SNX13: variants seen among roughly 807,000 people sequenced by gnomAD.
SNX13 encodes sorting nexin-13.
In SNX13, 45 loss-of-function variants were observed where a neutral mutation model predicts 133.6. The ratio of observed to expected loss-of-function variants is 0.34; its 90% confidence interval spans 0.27 to 0.43. SNX13 has a LOEUF of 0.43. Ranked by LOEUF, SNX13 falls within the 20% of genes least tolerant of loss-of-function variation. SNX13 has a pLI of 1.00. For missense variants in SNX13, 1,032 were observed against 1,145.1 expected (o/e 0.90, Z 1.43); for synonymous variants, 414 against 373.9 (o/e 1.11, Z -1.24).
At chr7:17,908,083 A>G (rs984271096) in intron 1 of SNX13, among the ~76,000 whole-genome samples, 1 of 152,156 alleles carries the variant, frequency 6.6e-6, no homozygotes, top group Non-Finnish European at 1.5e-5. Context: ...CAAGATCCCA[A>G]ATGTTTCCTA....
intron 18 of SNX13, among the ~76,000 whole-genome samples, chr7:17,817,378 C>T (rs747704722): frequency 3.3e-5 from 5 of 152,142 alleles, no homozygotes; most frequent in Non-Finnish European, 5.9e-5. Context: ...GATACATATC[C>T]TAAAGCGAAA....
intron 1 of SNX13, among the ~76,000 whole-genome samples, chr7:17,940,029 G>A (rs1345994735): frequency 1.3e-5 from 2 of 152,220 alleles, no homozygotes; most frequent in African/African-American, 2.4e-5. Flanking sequence ...ACAGCAGGAG[G>A]GAGACCAGTG....
intron 8 of SNX13, among the ~76,000 whole-genome samples, chr7:17,868,865 A>G (rs1793716141): frequency 6.6e-6 from 1 of 152,044 alleles, no homozygotes; most frequent in Non-Finnish European, 1.5e-5. Context: ...AAGGATACAA[A>G]CTGATTTTAG....
intron 9 of SNX13, among the ~76,000 whole-genome samples, chr7:17,858,554 C>T (rs911137786): frequency 6.6e-6 from 1 of 151,956 alleles, no homozygotes; most frequent in African/African-American, 2.4e-5. Context: ...TTAAACTATC[C>T]ATTCTTCCTA....
intron 5 of SNX13, 116 bp from the exon 6 acceptor site, chr7:17,875,906 G>A: frequency 1.2e-6 from 1 of 864,132 alleles, no homozygotes; most frequent in Non-Finnish European, 1.7e-6. Flanking sequence ...AATTTAAATT[G>A]AGATTTTCAT....
chr7:17,882,925 T>C (rs770652213), intron 5 of SNX13: 1 of 904,696 alleles, frequency 1.1e-6, no homozygotes, highest in South Asian at 1.5e-5. Flanking sequence ...TACTCCAGCC[T>C]GGGCGACAGG....
intron 5 of SNX13, chr7:17,879,973 G>A (rs1351681536): frequency 6.6e-6 from 1 of 152,184 alleles, no homozygotes; most frequent in South Asian, 2.1e-4. Context: ...GGGATGGAGT[G>A]TATAAAAAAC....
chr7:17,823,666 A>C (rs1270994149), intron 17 of SNX13, among the ~76,000 whole-genome samples: 2 of 152,148 alleles, frequency 1.3e-5, no homozygotes, highest in Non-Finnish European at 2.9e-5. Context: ...TTCACTGTTC[A>C]CCTTGTCCAG....
At chr7:17,823,134 T>C (rs556861462) in intron 17 of SNX13, among the ~76,000 whole-genome samples, 11 of 152,338 alleles carry the variant, frequency 7.2e-5, no homozygotes, top group East Asian at 1.9e-4. Flanking sequence ...ATCCAGTCTT[T>C]ATGCTACTAT....
chr7:17,898,053 C>T (rs546264944), intron 1 of SNX13, among the ~76,000 whole-genome samples: 3 of 151,468 alleles, frequency 2.0e-5, no homozygotes, highest in African/African-American at 7.3e-5. Context: ...CTCAACAAAA[C>T]ATCACCAAAA....
intron 9 of SNX13, among the ~76,000 whole-genome samples, chr7:17,864,403 T>G (rs1190023990): frequency 1.3e-5 from 2 of 152,154 alleles, no homozygotes; most frequent in Non-Finnish European, 2.9e-5. Flanking sequence ...AGTATCTTAA[T>G]AGCAGAATTG....
intron 24 of SNX13, among the ~76,000 whole-genome samples, chr7:17,798,481 T>C (rs1250073201): frequency 6.6e-6 from 1 of 151,908 alleles, no homozygotes; most frequent in Non-Finnish European, 1.5e-5. Flanking sequence ...TCTTTCTTCT[T>C]ACTTTTCCTA....
intron 17 of SNX13, among the ~76,000 whole-genome samples, chr7:17,823,558 T>C (rs1787543665): frequency 6.6e-6 from 1 of 152,218 alleles, no homozygotes; most frequent in South Asian, 2.1e-4. Context: ...CAAAATTATC[T>C]TTCATTCCCT....
rs560395875 is a variant in SNX13, at chr7:17,868,477, C to T, written c.767G>A (p.Arg256Gln). ...ATTTATTAATGGAAGAAGAATTCCT[C>T]GTGCAAGGATTTCCTGAAAAAAAAG... Reference protein sequence around the residue: ...MRYFVREILARGILLPLINQL... With the variant: ...MRYFVREILAQGILLPLINQL... The change falls in exon 9 of 26, where the codon CGA becomes CAA. Residue 256 changes from arginine to glutamine, a missense_variant. Arg to Gln is a conservative substitution (Grantham distance 43). Coordinates refer to ENST00000428135, the MANE Select transcript of SNX13 (RefSeq NM_015132.5). 4 of 1,604,348 alleles carry T rather than the reference C, an allele frequency of 2.5e-6. No homozygotes were observed. Among genetic ancestry groups the T allele is most frequent in the South Asian group, 1.1e-5 (1 of 89,290 alleles).
intron 9 of SNX13, among the ~76,000 whole-genome samples, chr7:17,857,681 G>A (rs1471217134): frequency 6.6e-6 from 1 of 152,124 alleles, no homozygotes; most frequent in African/African-American, 2.4e-5. Flanking sequence ...TTACTCGGGA[G>A]TCTGAGGCAG....
At chr7:17,803,051 G>C (rs79417539) in intron 21 of SNX13, among the ~76,000 whole-genome samples, 422 of 152,210 alleles carry the variant, frequency 2.8e-3, no homozygotes, top group Non-Finnish European at 4.4e-3. Context: ...CTTCCTGAGT[G>C]AATACTAGTA....
chr7:17,922,465 G>A (rs1317587256), intron 1 of SNX13, among the ~76,000 whole-genome samples: 2 of 152,138 alleles, frequency 1.3e-5, no homozygotes, highest in Non-Finnish European at 2.9e-5. Flanking sequence ...AACAACATCT[G>A]CCACACAAAG....
chr7:17,875,863 T>A, intron 5 of SNX13, 73 bp from the exon 6 acceptor site: 1 of 1,222,486 alleles, frequency 8.2e-7, no homozygotes, highest in Non-Finnish European at 1.1e-6. Flanking sequence ...TTTTAATGAC[T>A]ACTGACAAAC....
chr7:17,861,194 A>T (rs1792628793), intron 9 of SNX13, among the ~76,000 whole-genome samples: 1 of 151,932 alleles, frequency 6.6e-6, no homozygotes, highest in South Asian at 2.1e-4. Context: ...TTTATTCCTG[A>T]TATTTTGTTG....
Sources: allele counts gnomAD v4.1 joint callset (sites outside exome capture counted in the v4.1 genomes callset), GRCh38; gene constraint gnomAD v4.1.1; transcripts MANE v1.5; gene names NCBI Gene and HGNC (gene_info 2026-07-23, HGNC 2026-07-21).